The following SMAP1 variants were observed in gnomAD, a reference collection of about 807,000 sequenced individuals.
The protein encoded by SMAP1 is small ArfGAP 1.
SMAP1 carries 24 observed loss-of-function variants against 58.5 expected under a neutral mutation model. The ratio of observed to expected loss-of-function variants is 0.41; its 90% CI spans 0.30 to 0.58. SMAP1 has a LOEUF of 0.58. SMAP1 is among the 20% of genes least tolerant of loss of function. The pLI is 0.29. For missense variants in SMAP1, 563 were observed against 566.3 expected, an observed-to-expected ratio of 0.99 and a Z score of 0.06; for synonymous variants, 216 against 196.6, an observed-to-expected ratio of 1.10 and a Z score of -0.82.
At chr6:70,811,967 G>T (rs1036604040) in intron 6 of SMAP1, among the ~76,000 whole-genome samples, 1 of 152,148 alleles carries the variant, frequency 6.6e-6, no homozygotes, top group Non-Finnish European at 1.5e-5. Context: ...GGTGGGTAGC[G>T]TATAAAGCGT....
chr6:70,682,070 A>G (rs1163066635), intron 1 of SMAP1, among the ~76,000 whole-genome samples: 2 of 151,494 alleles, frequency 1.3e-5, no homozygotes, highest in African/African-American at 4.8e-5. Context: ...AGAGAGTAAG[A>G]TGGGTCTGAA....
chr6:70,739,956 G>T (rs547588709), intron 2 of SMAP1, among the ~76,000 whole-genome samples: 2 of 151,810 alleles, frequency 1.3e-5, no homozygotes, highest in South Asian at 2.1e-4. Flanking sequence ...AAATTTGGTT[G>T]TTCTGTTTTT....
chr6:70,694,996 C>T (rs1767339296), intron 1 of SMAP1, among the ~76,000 whole-genome samples: 1 of 152,162 alleles, frequency 6.6e-6, no homozygotes, highest in Non-Finnish European at 1.5e-5. Context: ...GTTCTATTCA[C>T]TGTGGAGATC....
intron 2 of SMAP1, among the ~76,000 whole-genome samples, chr6:70,742,457 A>G (rs1351909492): frequency 1.3e-5 from 2 of 152,190 alleles, no homozygotes; most frequent in East Asian, 1.9e-4. Flanking sequence ...GTTCCCAACA[A>G]GTTCCTCATC....
intron 1 of SMAP1, among the ~76,000 whole-genome samples, chr6:70,697,777 A>G (rs1767470294): frequency 6.6e-6 from 1 of 152,214 alleles, no homozygotes; most frequent in Admixed American, 6.5e-5. Context: ...AAAACAAACA[A>G]GCAAAGAGAA....
intron 1 of SMAP1, 42 bp from the exon 2 acceptor site, chr6:70,732,336 T>C: frequency 6.3e-7 from 1 of 1,575,104 alleles, no homozygotes; most frequent in Non-Finnish European, 8.6e-7. Context: ...TATTTTTGTT[T>C]TTAACATTTG....
intron 1 of SMAP1, among the ~76,000 whole-genome samples, chr6:70,724,092 C>T (rs1768652781): frequency 6.7e-6 from 1 of 149,336 alleles, no homozygotes; most frequent in South Asian, 2.1e-4. Flanking sequence ...GAAGAATTAA[C>T]TATGTCCATT....
At chr6:70,743,218 G>A (rs1017366530) in intron 2 of SMAP1, among the ~76,000 whole-genome samples, 4 of 152,186 alleles carry the variant, frequency 2.6e-5, no homozygotes, top group Admixed American at 2.6e-4. Flanking sequence ...TCATTGTAGT[G>A]GTTTGTTTCT....
chr6:70,767,714 C>T (rs1360943943), intron 3 of SMAP1, among the ~76,000 whole-genome samples: 2 of 146,936 alleles, frequency 1.4e-5, no homozygotes, highest in Non-Finnish European at 3.0e-5. Context: ...ATTTGACTTC[C>T]TCTTTTCCTA....
intron 6 of SMAP1, among the ~76,000 whole-genome samples, chr6:70,812,104 C>A (rs2149971094): frequency 6.6e-6 from 1 of 152,114 alleles, no homozygotes; most frequent in East Asian, 1.9e-4. Flanking sequence ...TAGTTTGTGA[C>A]TGTGATTGTA....
chr6:70,860,538 G>C lies in SMAP1; in HGVS notation c.*204G>C. On this transcript the variant is annotated 3_prime_UTR_variant, in exon 11 of 11. Transcript: ENST00000370455. Reference sequence around the variant, plus strand: ...GTTGATAAATCATTTTATGTCAAGGGCAGCTTTGCTCATATTTCCCATGAT... The same window carrying C: ...GTTGATAAATCATTTTATGTCAAGGCCAGCTTTGCTCATATTTCCCATGAT... The C allele has an allele frequency of 2.0e-6, 1 of 500,562 alleles. No individual in the cohort carries two copies. The highest frequency in any genetic ancestry group is 6.5e-5 in the South Asian group (1 of 15,456). The allele number at this position is 500,562 out of a possible 1,614,324, so 31.0% of individuals were successfully genotyped here.
In SMAP1 at chr6:70,703,366, G is replaced by A. The variant is rs190957956; in HGVS notation, c.119-29012G>A. On this transcript the variant is annotated intron_variant, in intron 1 of 10. Coordinates refer to ENST00000370455, the MANE Select transcript of SMAP1 (RefSeq NM_001044305.3). ...TGGGATTACAGGTGTGAGCCACCAC[G>A]CTCAGCCAGCATTTTTCAATTGAAT... Among the ~76,000 whole-genome samples the A allele has an allele frequency of 3.0e-3, 460 of 152,200 alleles. 1 individual carries two copies. Among genetic ancestry groups the A allele is most frequent in the Non-Finnish European group, 5.2e-3 (351 of 68,000 alleles).
At chr6:70,859,619 G>C (rs1771613809) in intron 10 of SMAP1, 1 of 381,770 alleles carries the variant, frequency 2.6e-6, no homozygotes, top group Admixed American at 4.3e-5. Flanking sequence ...GGAAGTAAGA[G>C]AATCACAGGG....
At chr6:70,668,685 C>T in intron 1 of SMAP1, 3 of 1,536,062 alleles carry the variant, frequency 2.0e-6, no homozygotes, top group Non-Finnish European at 2.6e-6. Context: ...TTTATCTCTG[C>T]TTCCTGAAAA....
intron 4 of SMAP1, among the ~76,000 whole-genome samples, chr6:70,786,430 A>G (rs1162000183): frequency 1.5e-5 from 2 of 129,282 alleles, no homozygotes; most frequent in Non-Finnish European, 3.2e-5. Flanking sequence ...CCTATTCAAC[A>G]TAGTGTTGGA....
chr6:70,823,093 G>A (rs546853667), intron 6 of SMAP1, among the ~76,000 whole-genome samples: 147 of 151,950 alleles, frequency 9.7e-4, no homozygotes, highest in African/African-American at 3.3e-3. Flanking sequence ...TAAATTCATG[G>A]TCTGATAATT....
rs567872169 is a variant in SMAP1 at position 70,836,305 on chromosome 6, A to G, written c.577-636A>G. On this transcript the variant is annotated intron_variant, in intron 6 of 10. Transcript: ENST00000370455. The stretch of plus-strand genomic sequence containing the variant: ...TATGTGAATGGCAGCAGGCAAAGAC[A>G]GCCTGTGTAGGGAAACTACCCCTTA... Among the ~76,000 whole-genome samples, 10 of 152,324 alleles carry G rather than the reference A, an allele frequency of 6.6e-5. No homozygotes were observed. In the South Asian group the frequency reaches 2.1e-3, roughly 32 times the overall value.
rs374749149 is a variant in SMAP1, at chr6:70,789,792, A to C, written c.415-1897A>C. On this transcript the variant is annotated intron_variant, in intron 4 of 10. Coordinates refer to ENST00000370455, the MANE Select transcript of SMAP1 (RefSeq NM_001044305.3). ...AGGTTTTTACTTGAGTCCAGGATTC[A>C]AGGTTTTAGTGAGCTATGATCTTCA... is the stretch of plus-strand genomic sequence containing the variant. Among the ~76,000 whole-genome samples the C allele has an allele frequency of 9.3e-5, 14 of 151,192 alleles. No homozygotes were observed. The East Asian group carries it at 1.2e-3, about 13-fold the overall frequency.
chr6:70,730,924 T>C (rs1021063025), intron 1 of SMAP1, among the ~76,000 whole-genome samples: 2 of 152,170 alleles, frequency 1.3e-5, no homozygotes, highest in African/African-American at 4.8e-5. Flanking sequence ...CTCAGCCTCC[T>C]GAGGAGCTGG....
Sources: allele counts gnomAD v4.1 joint callset (sites outside exome capture counted in the v4.1 genomes callset), GRCh38; gene constraint gnomAD v4.1.1; transcripts MANE v1.5; gene names NCBI Gene and HGNC (gene_info 2026-07-23, HGNC 2026-07-21).